The following CHTF18 variants were observed in gnomAD, a reference collection of about 807,000 sequenced individuals.
CHTF18 encodes the protein chromosome transmission fidelity protein 18 homolog.
Under a neutral mutation model 113.4 loss-of-function variants are expected in CHTF18, and 151 were observed. The ratio of observed to expected loss-of-function variants is 1.33; its 90% CI spans 1.17 to 1.52. The LOEUF (loss-of-function observed/expected upper bound fraction) is 1.52. Ranked by LOEUF, CHTF18 falls within the 40% of genes most tolerant of loss-of-function variation. The pLI is 0.00. For synonymous variants in CHTF18, 916 were observed against 598.8 expected, an observed-to-expected ratio of 1.53 and a Z score of -7.74; for missense variants, 1,982 against 1,381.6, an observed-to-expected ratio of 1.43 and a Z score of -6.89.
intron 18 of CHTF18, 42 bp downstream of exon 18, chr16:796,119 C>A (rs1376243969): frequency 1.3e-6 from 2 of 1,572,388 alleles, no homozygotes; most frequent in Admixed American, 1.8e-5. Context: ...GGGTCATGCT[C>A]CCCGGCTGTG....
chr16:791,134 G>A, intron 7 of CHTF18, 27 bp from the exon 8 acceptor site: 1 of 1,593,814 alleles, frequency 6.3e-7, no homozygotes, highest in South Asian at 1.1e-5. Flanking sequence ...CCCTCAGGCT[G>A]TGCTTCCCTT....
Position 795,748 on chromosome 16 carries a change from G to C in CHTF18, c.2239G>C (p.Ala747Pro), listed in dbSNP as rs773039191. Residue 747 changes from alanine (A) to proline (P), a missense_variant, in exon 17 of 22, where the codon GCC becomes CCC. Coordinates refer to ENST00000262315, the MANE Select transcript of CHTF18 (RefSeq NM_022092.3). ...IQTLVSGIAP[A>P]TRSRATPQAL... ...GACGCTGGTGTCCGGCATCGCGCCA[G>C]CCACGCGCAGCCGGGCCACGCCCCA... 1.2e-6 allele frequency: 2 copies of C among 1,608,256 alleles called. No homozygotes were observed. Among genetic ancestry groups the C allele is most frequent in the Non-Finnish European group, 1.7e-6 (2 of 1,178,528 alleles).
chr16:795,174 A>G lies in CHTF18; in HGVS notation c.1993A>G (p.Ser665Gly). Residue 665 changes from serine to glycine, a missense_variant, in exon 16 of 22, where the codon AGC (serine) becomes GGC (glycine). Transcript: ENST00000262315. The stretch of plus-strand genomic sequence containing the variant: ...CCTGCGTCTGCGGCTGCGAGACTCC[A>G]GCCTGGGTGCTGTGTGTGTGGCCCT... Reference protein sequence around the residue: ...NFLRLRLRDSSLGAVCVALDW... With the variant: ...NFLRLRLRDSGLGAVCVALDW... 1 of 1,557,598 alleles carries G rather than the reference A, an allele frequency of 6.4e-7. No individual in the cohort carries two copies. Among genetic ancestry groups the G allele is most frequent in the Non-Finnish European group, 8.7e-7 (1 of 1,150,928 alleles).
chr16:789,782 C>G, intron 4 of CHTF18, 67 bp downstream of exon 4: 1 of 1,468,594 alleles, frequency 6.8e-7, no homozygotes, highest in Middle Eastern at 2.1e-4. Flanking sequence ...TCCTTGGAGC[C>G]CCTCACCCCT....
At chr16:792,190 A>G (rs2042215304) in intron 9 of CHTF18, 34 bp from the exon 10 acceptor site, 4 of 1,554,540 alleles carry the variant, frequency 2.6e-6, no homozygotes, top group Non-Finnish European at 3.5e-6. Flanking sequence ...AGGGACGCCC[A>G]CTGCCCTGAC....
chr16:796,736 C>T lies in CHTF18; in HGVS notation c.2476C>T (p.Arg826Cys), dbSNP rs202088652. The T allele has an allele frequency of 4.9e-5, 78 of 1,603,018 alleles. No homozygotes were observed. The highest frequency in any genetic ancestry group is 3.3e-4 in the Middle Eastern group (2 of 6,050). Residue 826 changes from arginine to cysteine, a missense_variant, in exon 19 of 22, where the codon CGC (arginine) becomes TGC (cysteine). Arg to Cys is a radical substitution (Grantham distance 180). Transcript: ENST00000262315. ...RLEPNVEELC[R>C]FPELPARKPL... ...GAGCAGGAACGTGGAGGAACTCTGCCGCTTCCCTGAGCTGCCTGCCCGCAA... is the reference window on the plus strand; with the variant it reads ...GAGCAGGAACGTGGAGGAACTCTGCTGCTTCCCTGAGCTGCCTGCCCGCAA...
In CHTF18 at chr16:790,365, C is replaced by CA. The variant is rs766708697; in HGVS notation, c.719dup (p.Glu241GlyfsTer27). The CA allele has an allele frequency of 3.1e-6, 5 of 1,611,592 alleles. No individual in the cohort carries two copies. In the South Asian group the frequency reaches 5.5e-5, roughly 18 times the overall value. ...TGCACAGCGGCGGGAGCGGCTGCTT[C>CA]AGGAGGCCCAGAAGCTTTCAGACAC... On this transcript the variant is annotated frameshift_variant, in exon 6 of 22. Coordinates refer to ENST00000262315, the MANE Select transcript of CHTF18 (RefSeq NM_022092.3). LOFTEE classifies it high-confidence loss of function.
chr16:796,650 C>A, intron 18 of CHTF18, 67 bp from the exon 19 acceptor site: 2 of 1,480,296 alleles, frequency 1.4e-6, no homozygotes, highest in South Asian at 1.3e-5. Flanking sequence ...GGTTGGAGTG[C>A]CCGGCGGCTC....
At chr16:796,169 G>A in intron 18 of CHTF18, 92 bp downstream of exon 18, 2 of 1,493,512 alleles carry the variant, frequency 1.3e-6, no homozygotes, top group Non-Finnish European at 1.8e-6. Flanking sequence ...GAGTCTGAAA[G>A]CACGGTCATG....
At position 797,724 on chromosome 16, in the gene CHTF18, G is replaced by C. The variant is rs371437338; in HGVS notation, c.2764G>C (p.Val922Leu). The change falls in exon 21 of 22, where the codon GTC becomes CTC. Residue 922 changes from valine (V) to leucine (L), a missense_variant. Coordinates refer to ENST00000262315, the MANE Select transcript of CHTF18 (RefSeq NM_022092.3). ...PEKDFFGRVV[V>L]RSTAVPSAGD... The stretch of plus-strand genomic sequence containing the variant: ...GAAGGACTTCTTTGGACGTGTGGTC[G>C]TCAGGAGCACAGCAGTCCCGAGTGC... 6.2e-7 allele frequency: 1 copy of C among 1,609,524 alleles called. No individual in the cohort carries two copies. The highest frequency in any genetic ancestry group is 1.7e-5 in the Admixed American group (1 of 59,756).
intron 20 of CHTF18, 105 bp from the exon 21 acceptor site, chr16:797,589 T>G: frequency 7.5e-6 from 9 of 1,207,134 alleles, no homozygotes; most frequent in Admixed American, 1.9e-5. Flanking sequence ...GTCTCAGAGG[T>G]GTTCTGGTCC....
At chr16:792,404 G>A in intron 10 of CHTF18, 35 bp from the exon 11 acceptor site, 1 of 1,561,518 alleles carries the variant, frequency 6.4e-7, no homozygotes, top group Non-Finnish European at 8.7e-7. Flanking sequence ...GGGCAGCAGG[G>A]CCTGGACTCA....
chr16:789,086 G>T lies in CHTF18; in HGVS notation c.247G>T (p.Val83Leu). The change falls in exon 2 of 22, where the codon GTG (valine) becomes TTG (leucine). Residue 83 changes from valine (V) to leucine (L), a missense_variant. Physicochemically the swap from Val to Leu is conservative, Grantham distance 32. Coordinates refer to ENST00000262315, the MANE Select transcript of CHTF18 (RefSeq NM_022092.3). ...CCAGGGCGGCGCCAGGAAGAGGCAG[G>T]TGGACGCCGACCTGCAGCCGGCCGG... ...SSQGGARKRQ[V>L]DADLQPAGSL... 1 of 1,534,462 alleles carries T rather than the reference G, an allele frequency of 6.5e-7. No individual in the cohort carries two copies.
In CHTF18 at chr16:795,360, T is replaced by C. The variant is rs2042307799; in HGVS notation, c.2175+4T>C. The C allele has an allele frequency of 6.5e-7, 1 of 1,537,910 alleles. No homozygotes were observed. Among genetic ancestry groups the C allele is most frequent in the African/African-American group, 1.4e-5 (1 of 70,074 alleles). On this transcript the variant is annotated splice_donor_region_variant and intron_variant, in intron 16 of 21. Coordinates refer to ENST00000262315, the MANE Select transcript of CHTF18 (RefSeq NM_022092.3). ...CTTCCCCAGCAGCCAGCAGGAGGTG[T>C]GCTCGTCCCTGCACCACGCCTGCCC... is the stretch of plus-strand genomic sequence containing the variant.
At position 790,013 on chromosome 16, in the gene CHTF18, C is replaced by T. The variant is rs117504389; in HGVS notation, c.607-164C>T. 1,426 of 1,535,520 alleles carry T rather than the reference C, an allele frequency of 9.3e-4. 5 individuals carry two copies. Among genetic ancestry groups the T allele is most frequent in the Middle Eastern group, 1.2e-3 (7 of 5,992 alleles). ...CCCCAATTTCCCTTTGCAGCTGACCCATCTGGATGGCTTCATTCCTTTGGC... is the reference window on the plus strand; with the variant it reads ...CCCCAATTTCCCTTTGCAGCTGACCTATCTGGATGGCTTCATTCCTTTGGC... On this transcript the variant is annotated intron_variant, in intron 4 of 21. Coordinates refer to ENST00000262315, the MANE Select transcript of CHTF18 (RefSeq NM_022092.3).
rs1041325402 is a variant in CHTF18 at position 797,837 on chromosome 16, A to G, written c.2792-2A>G. Reference sequence around the variant, plus strand: ...CTGAGGAGCAACCCTGTGGCCCCGCAGGGGACACGGCCCCGGAGCAGGACT... The same window carrying G: ...CTGAGGAGCAACCCTGTGGCCCCGCGGGGGACACGGCCCCGGAGCAGGACT... On this transcript the variant is annotated splice_acceptor_variant, in intron 21 of 21. Transcript: ENST00000262315. LOFTEE classifies it high-confidence loss of function. 31 of 1,601,574 alleles carry G rather than the reference A, an allele frequency of 1.9e-5. No individual in the cohort carries two copies. Among genetic ancestry groups the G allele is most frequent in the Non-Finnish European group, 2.5e-5 (29 of 1,174,764 alleles).
intron 8 of CHTF18, 191 bp downstream of exon 8, chr16:791,561 A>C: frequency 1.4e-6 from 2 of 1,434,384 alleles, no homozygotes; most frequent in Non-Finnish European, 1.8e-6. Context: ...GTTGTCCCTG[A>C]AGGGCTCTGC....
rs375367733 is a variant in CHTF18, at chr16:793,143, G to A, written c.1672-1G>A. On this transcript the variant is annotated splice_acceptor_variant, in intron 13 of 21. Transcript: ENST00000262315. LOFTEE classifies it high-confidence loss of function. ...TTCTCATGCCCCCGCCCTATGTCTAGTTCCTGTACAGCCGGGGCCAGCGGG... is the reference window on the plus strand; with the variant it reads ...TTCTCATGCCCCCGCCCTATGTCTAATTCCTGTACAGCCGGGGCCAGCGGG... 6 of 1,599,872 alleles carry A rather than the reference G, an allele frequency of 3.8e-6. No homozygotes were observed. The highest frequency in any genetic ancestry group is 2.3e-5 in the East Asian group (1 of 44,222).
At chr16:790,821 A>G (rs1278015985) in intron 7 of CHTF18, 155 bp downstream of exon 7, 3 of 1,433,838 alleles carry the variant, frequency 2.1e-6, no homozygotes, top group African/African-American at 2.9e-5. Context: ...TGAACTGAGC[A>G]CAGGGCTGTG....
Sources: allele counts gnomAD v4.1 joint callset, GRCh38; gene constraint gnomAD v4.1.1; transcripts MANE v1.5; gene names NCBI Gene and HGNC (gene_info 2026-07-23, HGNC 2026-07-21).